The following PYHIN1 variants were observed in gnomAD, a reference collection of about 807,000 sequenced individuals.
PYHIN1 encodes the protein pyrin and HIN domain family member 1.
A neutral mutation model predicts 43.7 loss-of-function variants in PYHIN1; 32 were observed. The ratio of observed to expected loss-of-function variants is 0.73; its 90% CI spans 0.55 to 0.98. The LOEUF is 0.98. PYHIN1 is among the 50% of genes least tolerant of loss of function. The probability of loss-of-function intolerance (pLI) is 0.00; values close to 1 mark genes in which losing one functional copy is unlikely to be tolerated. For missense variants in PYHIN1, 588 were observed against 589.5 expected (o/e 1.00, Z 0.03); for synonymous variants, 205 against 203.1 (o/e 1.01, Z -0.08).
chr1:158,971,455 G>T (rs932844792), intron 7 of PYHIN1, among the ~76,000 whole-genome samples: 4 of 151,758 alleles, frequency 2.6e-5, no homozygotes, highest in African/African-American at 9.7e-5. Flanking sequence ...GACATGTTCT[G>T]GGAATGCCCT....
At chr1:158,948,937 A>C (rs1164415525) in intron 7 of PYHIN1, among the ~76,000 whole-genome samples, 1 of 152,146 alleles carries the variant, frequency 6.6e-6, no homozygotes, top group African/African-American at 2.4e-5. Flanking sequence ...ACAAAGGCGG[A>C]GTTTTGGGGT....
chr1:158,956,611 A>C (rs1346035895), intron 7 of PYHIN1, among the ~76,000 whole-genome samples: 1 of 151,866 alleles, frequency 6.6e-6, no homozygotes, highest in Non-Finnish European at 1.5e-5. Context: ...TTTCAAAATA[A>C]TAAGAGCTAT....
Position 158,936,938 on chromosome 1 carries a change from C to A in PYHIN1, c.28C>A (p.Leu10Ile). The A allele has an allele frequency of 6.3e-7, 1 of 1,589,140 alleles. No homozygotes were observed. The highest frequency in any genetic ancestry group is 1.2e-5 in the South Asian group (1 of 85,972). Residue 10 changes from leucine (L) to isoleucine (I), a missense_variant, in exon 2 of 9, where the codon CTA (leucine) becomes ATA (isoleucine). By Grantham distance (5) the Leu-to-Ile change is conservative. Coordinates refer to ENST00000368140, the MANE Select transcript of PYHIN1 (RefSeq NM_152501.5). MANNYKKIVLLKGLEVINDY... is the reference protein window; with the variant it reads MANNYKKIVILKGLEVINDY... Reference sequence around the variant, plus strand: ...GGCAAATAACTACAAGAAAATTGTTCTACTGAAAGGATTAGAGGTCATCAA... The same window carrying A: ...GGCAAATAACTACAAGAAAATTGTTATACTGAAAGGATTAGAGGTCATCAA...
intron 4 of PYHIN1, among the ~76,000 whole-genome samples, chr1:158,941,076 T>G (rs983193562): frequency 6.6e-6 from 1 of 152,212 alleles, no homozygotes; most frequent in African/African-American, 2.4e-5. Flanking sequence ...ATGGGTCACA[T>G]GGATGAAAAG....
the PYHIN1 span, among the ~76,000 whole-genome samples, chr1:158,990,450 A>G: frequency 5.3e-5 from 8 of 152,038 alleles, no homozygotes; most frequent in Admixed American, 4.6e-4. Flanking sequence ...TGAAGTATAT[A>G]TACATTGTGA....
At chr1:158,951,651 G>A (rs1002776329) in intron 7 of PYHIN1, among the ~76,000 whole-genome samples, 1 of 152,152 alleles carries the variant, frequency 6.6e-6, no homozygotes. Context: ...AACTACTTTT[G>A]TAGTTAAAAC....
chr1:158,956,620 A>G (rs1167490025), intron 7 of PYHIN1, among the ~76,000 whole-genome samples: 1 of 151,846 alleles, frequency 6.6e-6, no homozygotes, highest in Non-Finnish European at 1.5e-5. Context: ...AATAAGAGCT[A>G]TCTATGACAA....
chr1:158,981,453 A>G (rs1199870037), downstream of PYHIN1, among the ~76,000 whole-genome samples: 1 of 152,200 alleles, frequency 6.6e-6, no homozygotes, highest in Admixed American at 6.5e-5. Flanking sequence ...CCTGGGGGAC[A>G]AGAGCGAGAC....
intron 1 of PYHIN1, among the ~76,000 whole-genome samples, chr1:158,935,664 G>A (rs1026618081): frequency 2.0e-5 from 3 of 152,140 alleles, no homozygotes; most frequent in South Asian, 2.1e-4. Context: ...TAGGGTCGGC[G>A]CCCCAGCATG....
rs1648756952 is a variant in PYHIN1 at position 158,939,246 on chromosome 1, A to G, written c.578A>G (p.Glu193Gly). ...GCTCCACCCAACACTTCCTCAACTG[A>G]GGTACACTCTTCCTGGTCCCCTTTT... ...SSAPPNTSST[E>G]SLKPLANRHA... Residue 193 changes from glutamate to glycine, a missense_variant and splice_region_variant, in exon 4 of 9, where the codon GAG becomes GGG. Transcript: ENST00000368140. 1.3e-6 allele frequency: 2 copies of G among 1,595,986 alleles called. No individual in the cohort carries two copies. Among genetic ancestry groups the G allele is most frequent in the Non-Finnish European group, 8.5e-7 (1 of 1,171,344 alleles).
chr1:158,960,546 GA>G (rs926297257), intron 7 of PYHIN1, among the ~76,000 whole-genome samples: 6 of 152,134 alleles, frequency 3.9e-5, no homozygotes, highest in East Asian at 3.9e-4. Context: ...ACTACCACCC[GA>G]AAAAAAGAGT....
At chr1:158,971,789 G>T (rs986853699) in intron 7 of PYHIN1, among the ~76,000 whole-genome samples, 2 of 151,872 alleles carry the variant, frequency 1.3e-5, no homozygotes, top group African/African-American at 2.4e-5. Context: ...GACCAAGTTA[G>T]CCTAGATGAG....
chr1:158,937,035 A>G lies in PYHIN1; in HGVS notation c.125A>G (p.Glu42Gly), dbSNP rs1648594282. 6.2e-7 allele frequency: 1 copy of G among 1,614,204 alleles called. No homozygotes were observed. Among genetic ancestry groups the G allele is most frequent in the East Asian group, 2.2e-5 (1 of 44,884 alleles). Reference sequence around the variant, plus strand: ...AAACTTAATCCAAAAATGAAAGAAGAGTATGACAAAATTCAGATTGCTGAC... The same window carrying G: ...AAACTTAATCCAAAAATGAAAGAAGGGTATGACAAAATTCAGATTGCTGAC... ...DLKLNPKMKEEYDKIQIADLM... is the reference protein window; with the variant it reads ...DLKLNPKMKEGYDKIQIADLM... Residue 42 changes from glutamate (E) to glycine (G), a missense_variant, in exon 2 of 9, where the codon GAG becomes GGG. Coordinates refer to ENST00000368140, the MANE Select transcript of PYHIN1 (RefSeq NM_152501.5).
intron 7 of PYHIN1, among the ~76,000 whole-genome samples, chr1:158,951,888 G>GT (rs1011242195): frequency 6.6e-6 from 1 of 152,180 alleles, no homozygotes; most frequent in Non-Finnish European, 1.5e-5. Flanking sequence ...CACGTTAGGG[G>GT]TAAGAGAGAG....
At chr1:158,949,146 G>T (rs756269663) in intron 7 of PYHIN1, among the ~76,000 whole-genome samples, 9 of 152,030 alleles carry the variant, frequency 5.9e-5, no homozygotes, top group Non-Finnish European at 1.2e-4. Context: ...CTTTACTTGG[G>T]GTCTGGGATA....
chr1:158,989,507 A>G, the PYHIN1 span, among the ~76,000 whole-genome samples: 1 of 152,220 alleles, frequency 6.6e-6, no homozygotes, highest in African/African-American at 2.4e-5. Flanking sequence ...CTAATTCAAT[A>G]ACACTGGTGT....
At chr1:158,956,767 G>A (rs968326669) in intron 7 of PYHIN1, among the ~76,000 whole-genome samples, 4 of 148,442 alleles carry the variant, frequency 2.7e-5, no homozygotes, top group African/African-American at 7.5e-5. Context: ...AATTAGGCAG[G>A]AGAAGGAAAT....
At chr1:158,957,916 A>G (rs887174848) in intron 7 of PYHIN1, among the ~76,000 whole-genome samples, 17 of 151,762 alleles carry the variant, frequency 1.1e-4, no homozygotes, top group African/African-American at 4.1e-4. Flanking sequence ...CAAGAAAAAA[A>G]CAAACAACCC....
At chr1:158,951,381 A>G (rs1047894199) in intron 7 of PYHIN1, among the ~76,000 whole-genome samples, 2 of 152,166 alleles carry the variant, frequency 1.3e-5, no homozygotes, top group Admixed American at 6.5e-5. Flanking sequence ...AACAGCATAC[A>G]GGGCGGGCTC....
Sources: gnomAD v4.1 joint callset for allele counts (sites outside exome capture counted in the v4.1 genomes callset) on GRCh38, gnomAD v4.1.1 for gene constraint, MANE v1.5 for transcripts, NCBI Gene and HGNC (gene_info 2026-07-23, HGNC 2026-07-21) for gene names.